Variants in ARMH3 observed in about 807,000 individuals in gnomAD.
ARMH3 encodes the protein armadillo-like helical domain-containing protein 3.
Under a neutral mutation model 99.1 loss-of-function variants are expected in ARMH3, and 60 were observed. That is an observed-to-expected ratio of 0.61 (90% CI 0.49 to 0.75). ARMH3 has a LOEUF of 0.75. Among genes scored for constraint, ARMH3 ranks in the 30% least tolerant of loss-of-function variants. The pLI is 0.00. For synonymous variants in ARMH3, 285 were observed against 292.8 expected, an observed-to-expected ratio of 0.97 and a Z score of 0.27; for missense variants, 679 against 843.1, an observed-to-expected ratio of 0.81 and a Z score of 2.41.
chr10:101,953,527 G>A (rs1844892910), intron 22 of ARMH3, among the ~76,000 whole-genome samples: 2 of 146,876 alleles, frequency 1.4e-5, no homozygotes, highest in Non-Finnish European at 3.0e-5. Flanking sequence ...ACAAACGTCA[G>A]CCACCGTGCC....
intron 24 of ARMH3, among the ~76,000 whole-genome samples, chr10:101,880,691 C>G (rs532520089): frequency 6.6e-6 from 1 of 152,100 alleles, no homozygotes; most frequent in Non-Finnish European, 1.5e-5. Flanking sequence ...TTTACTAGTA[C>G]GCCAAGGACC....
At chr10:101,986,671 A>C (rs1344541812) in intron 19 of ARMH3, among the ~76,000 whole-genome samples, 1 of 152,162 alleles carries the variant, frequency 6.6e-6, no homozygotes, top group African/African-American at 2.4e-5. Context: ...TACTGCCGAA[A>C]AGGGGTACAT....
At chr10:101,910,932 G>A (rs1012982407) in intron 23 of ARMH3, among the ~76,000 whole-genome samples, 9 of 151,882 alleles carry the variant, frequency 5.9e-5, no homozygotes, top group Admixed American at 5.9e-4. Context: ...CTGGGTTCAG[G>A]AGTTCGAGAT....
At chr10:101,921,950 T>C (rs1438522769) in intron 23 of ARMH3, among the ~76,000 whole-genome samples, 1 of 152,130 alleles carries the variant, frequency 6.6e-6, no homozygotes, top group Non-Finnish European at 1.5e-5. Flanking sequence ...TTACCAACAA[T>C]GTACTATATA....
intron 1 of ARMH3, among the ~76,000 whole-genome samples, chr10:102,047,862 T>A (rs947816934): frequency 6.6e-6 from 1 of 152,140 alleles, no homozygotes; most frequent in Non-Finnish European, 1.5e-5. Flanking sequence ...AGGGGACATT[T>A]GTCAATGTCT....
rs573720439 is a variant in ARMH3 at position 101,933,309 on chromosome 10, G to A, written c.1781+6554C>T. ...AAATTTCAGGATAAGTTTAGGAGGG[G>A]GTTTAGATGCTAAAGTCACACTCAT... On this transcript the variant is annotated intron_variant, in intron 23 of 25. Coordinates refer to ENST00000370033, the MANE Select transcript of ARMH3 (RefSeq NM_024541.3). Among the ~76,000 whole-genome samples, 6 of 152,112 alleles carry A rather than the reference G, an allele frequency of 3.9e-5. No homozygotes were observed. The South Asian group carries it at 1.2e-3, about 32-fold the overall frequency.
intron 1 of ARMH3, among the ~76,000 whole-genome samples, chr10:102,049,582 C>CTT (rs528823071): frequency 1.2e-4 from 16 of 137,362 alleles, no homozygotes; most frequent in Non-Finnish European, 2.2e-4. Flanking sequence ...GGGCCTGCAA[C>CTT]TTTTTTTTTT....
intron 24 of ARMH3, among the ~76,000 whole-genome samples, chr10:101,858,060 C>G (rs778605273): frequency 2.0e-5 from 3 of 152,218 alleles, no homozygotes; most frequent in Non-Finnish European, 2.9e-5. Flanking sequence ...AAGAGGGATT[C>G]TGATAAGGGA....
chr10:101,956,765 G>A (rs1304061396), intron 21 of ARMH3, 42 bp from the exon 22 acceptor site: 4 of 1,598,014 alleles, frequency 2.5e-6, no homozygotes, highest in African/African-American at 1.3e-5. Context: ...ATCAGGCTAT[G>A]AAGACTAAAA....
At chr10:102,027,743 G>A (rs1261812795) in intron 5 of ARMH3, among the ~76,000 whole-genome samples, 1 of 151,908 alleles carries the variant, frequency 6.6e-6, no homozygotes, top group Non-Finnish European at 1.5e-5. Context: ...TATATGAACT[G>A]CAAAAGGCCA....
intron 24 of ARMH3, among the ~76,000 whole-genome samples, chr10:101,855,863 G>T (rs1036112208): frequency 1.3e-5 from 2 of 151,496 alleles, no homozygotes; most frequent in African/African-American, 4.8e-5. Flanking sequence ...CACAGAGGAA[G>T]AAATAAATGC....
intron 23 of ARMH3, among the ~76,000 whole-genome samples, chr10:101,916,064 A>G (rs1212264430): frequency 6.6e-6 from 1 of 152,172 alleles, no homozygotes; most frequent in Non-Finnish European, 1.5e-5. Context: ...CCGGCCTCCC[A>G]AAGTGCTGGG....
At chr10:101,969,035 C>T (rs1192557443) in intron 20 of ARMH3, among the ~76,000 whole-genome samples, 2 of 152,016 alleles carry the variant, frequency 1.3e-5, no homozygotes, top group East Asian at 3.9e-4. Context: ...GACATATTTG[C>T]CTAAATCAGA....
At chr10:102,031,548 C>G (rs571582667) in intron 4 of ARMH3, among the ~76,000 whole-genome samples, 2 of 152,208 alleles carry the variant, frequency 1.3e-5, no homozygotes, top group South Asian at 4.1e-4. Flanking sequence ...CTTATTGTGC[C>G]AAAAGTTAAC....
At chr10:101,957,782 A>G (rs775419158) in intron 20 of ARMH3, 50 bp from the exon 21 acceptor site, 26 of 1,513,320 alleles carry the variant, frequency 1.7e-5, no homozygotes, top group Middle Eastern at 2.1e-4. Flanking sequence ...ACCATGATTA[A>G]TAAAGTTAAA....
rs757205915 is a variant in ARMH3 at position 101,849,592 on chromosome 10, G to GC, written c.1977+183dup. ...CTCCATGGCTGCAAAGGAGAAGTAG[G>GC]CAATACTACCTCGAATAGCATCTTC... On this transcript the variant is annotated intron_variant, in intron 25 of 25. Transcript: ENST00000370033. 5.8e-4 allele frequency among the ~76,000 whole-genome samples: 89 copies of GC among 152,320 alleles called. 1 individual carries two copies. Among genetic ancestry groups the GC allele is most frequent in the Admixed American group, 3.5e-3 (54 of 15,300 alleles).
At chr10:101,989,360 C>T (rs1485055716) in intron 19 of ARMH3, among the ~76,000 whole-genome samples, 1 of 151,862 alleles carries the variant, frequency 6.6e-6, no homozygotes, top group Non-Finnish European at 1.5e-5. Flanking sequence ...CACAGTGAGG[C>T]CCTGTCACAA....
intron 23 of ARMH3, among the ~76,000 whole-genome samples, chr10:101,895,310 C>A (rs974853847): frequency 5.4e-5 from 8 of 147,306 alleles, no homozygotes; most frequent in African/African-American, 2.0e-4. Context: ...GAGGGCGTCT[C>A]GCTCTGTCGC....
At chr10:102,011,078 C>T (rs1564846559) in intron 11 of ARMH3, among the ~76,000 whole-genome samples, 1 of 152,196 alleles carries the variant, frequency 6.6e-6, no homozygotes, top group South Asian at 2.1e-4. Flanking sequence ...CTAGAATCTC[C>T]TAGATTTATC....
Sources: gnomAD v4.1 joint callset for allele counts (sites outside exome capture counted in the v4.1 genomes callset) on GRCh38, gnomAD v4.1.1 for gene constraint, MANE v1.5 for transcripts, NCBI Gene and HGNC (gene_info 2026-07-23, HGNC 2026-07-21) for gene names.